PKP4: variants seen among roughly 807,000 people sequenced by gnomAD.
The protein encoded by PKP4 is plakophilin 4.
In PKP4, 90 loss-of-function variants were observed where a neutral mutation model predicts 145.1. That is an observed-to-expected ratio of 0.62 (90% CI 0.52 to 0.74). The LOEUF (loss-of-function observed/expected upper bound fraction) is 0.74. Among genes scored for constraint, PKP4 ranks in the 30% least tolerant of loss-of-function variants. PKP4 has a pLI of 0.00. For synonymous variants in PKP4, 563 were observed against 577.2 expected (o/e 0.98, Z 0.35); for missense variants, 1,340 against 1,482.7 (o/e 0.90, Z 1.58).
chr2:158,482,843 G>C (rs1006297100), intron 1 of PKP4, among the ~76,000 whole-genome samples: 1 of 151,758 alleles, frequency 6.6e-6, no homozygotes, highest in Non-Finnish European at 1.5e-5. Flanking sequence ...AAAAAAAAGA[G>C]GGGGGAAGGG....
chr2:158,627,094 C>G (rs1176098654), intron 7 of PKP4, among the ~76,000 whole-genome samples: 2 of 152,082 alleles, frequency 1.3e-5, no homozygotes, highest in Non-Finnish European at 2.9e-5. Context: ...CAAAGAAATT[C>G]TTAGTGGAGA....
chr2:158,669,173 G>A (rs1253115756), intron 16 of PKP4: 1 of 152,180 alleles, frequency 6.6e-6, no homozygotes, highest in Admixed American at 6.5e-5. Context: ...TGCCACCGTT[G>A]TCAGATGAGT....
At chr2:158,531,084 T>G (rs1227013407) in intron 1 of PKP4, among the ~76,000 whole-genome samples, 1 of 152,136 alleles carries the variant, frequency 6.6e-6, no homozygotes, top group Non-Finnish European at 1.5e-5. Flanking sequence ...TCTGGGTTCA[T>G]TGGTCCTGGG....
At chr2:158,606,047 T>A (rs2050626415) in intron 4 of PKP4, among the ~76,000 whole-genome samples, 1 of 152,248 alleles carries the variant, frequency 6.6e-6, no homozygotes. Flanking sequence ...TACTTTTGTC[T>A]GTTATGAATA....
intron 1 of PKP4, among the ~76,000 whole-genome samples, chr2:158,480,701 C>T (rs1055948089): frequency 6.6e-6 from 1 of 151,958 alleles, no homozygotes; most frequent in African/African-American, 2.4e-5. Context: ...AATTGAAGTG[C>T]ATATTACAAT....
Position 158,504,746 on chromosome 2 carries a change from CCTT to C in PKP4, c.-5-28430_-5-28428del, listed in dbSNP as rs373423172. Among the ~76,000 whole-genome samples the C allele has an allele frequency of 1.3e-3, 198 of 152,208 alleles. 4 individuals are homozygous for C. Among genetic ancestry groups the C allele is most frequent in the South Asian group, 0.011 (52 of 4,822 alleles). On this transcript the variant is annotated intron_variant, in intron 1 of 21. Transcript: ENST00000389759. ...CGCAAATCAGATACTACTTTTATAT[CCTT>C]CTTGCAAATTCACAGGAATTTCCAA...
intron 20 of PKP4, chr2:158,677,407 G>GTGTT (rs2058100253): frequency 2.7e-5 from 5 of 185,588 alleles, no homozygotes; most frequent in East Asian, 1.2e-4. Context: ...ATGTTACATA[G>GTGTT]TGTTAATATT....
intron 16 of PKP4, among the ~76,000 whole-genome samples, chr2:158,667,129 G>A (rs1033218846): frequency 2.0e-5 from 3 of 152,156 alleles, no homozygotes; most frequent in South Asian, 2.1e-4. Context: ...TACAAGGTAG[G>A]GTTGGCACAT....
rs78262074 is a variant in PKP4 at position 158,475,285 on chromosome 2, A to G, written c.-6+18067A>G. On this transcript the variant is annotated intron_variant, in intron 1 of 21. Coordinates refer to ENST00000389759, the MANE Select transcript of PKP4 (RefSeq NM_003628.6). ...TTTATTATTTTTTGATAACATATCT[A>G]TATGCTGTTTCCTCACTAGATTGTG... Among the ~76,000 whole-genome samples the G allele has an allele frequency of 4.8e-3, 732 of 152,330 alleles. 1 individual carries two copies. The highest frequency in any genetic ancestry group is 0.016 in the African/African-American group (670 of 41,572).
At chr2:158,580,309 A>T (rs1009030374) in intron 3 of PKP4, among the ~76,000 whole-genome samples, 4 of 152,066 alleles carry the variant, frequency 2.6e-5, no homozygotes, top group African/African-American at 9.7e-5. Flanking sequence ...AGTGCCTGGC[A>T]TTTGTGCCTG....
intron 1 of PKP4, among the ~76,000 whole-genome samples, chr2:158,482,978 G>A (rs951205142): frequency 6.6e-6 from 1 of 152,124 alleles, no homozygotes; most frequent in Non-Finnish European, 1.5e-5. Context: ...TTTTTAAGTA[G>A]CTTTTATCCA....
intron 3 of PKP4, among the ~76,000 whole-genome samples, chr2:158,598,645 T>G (rs1198060063): frequency 6.6e-6 from 1 of 152,066 alleles, no homozygotes; most frequent in Non-Finnish European, 1.5e-5. Flanking sequence ...AGCGGGCACC[T>G]GTAGTCCCAG....
At chr2:158,530,740 G>T (rs1047799668) in intron 1 of PKP4, among the ~76,000 whole-genome samples, 8 of 152,012 alleles carry the variant, frequency 5.3e-5, no homozygotes, top group Admixed American at 5.2e-4. Context: ...GGGTAGGGAA[G>T]TGTCTCACCC....
chr2:158,468,770 C>CTTTTT lies in PKP4; in HGVS notation c.-6+11567_-6+11571dup, dbSNP rs58577988. 5.8e-3 allele frequency among the ~76,000 whole-genome samples: 634 copies of CTTTTT among 109,814 alleles called. 7 individuals carry two copies. The highest frequency in any genetic ancestry group is 6.5e-3 in the Non-Finnish European group (372 of 57,036). The allele number at this position is 109,814 out of a possible 152,430, so 72.0% of individuals were successfully genotyped here. ...TTAGACATTTTCTTTTCTTCTTCTT[C>CTTTTT]TTTTTTTTTTTTTTTTTTTGAGACA... On this transcript the variant is annotated intron_variant, in intron 1 of 21. Transcript: ENST00000389759.
At chr2:158,473,202 G>A (rs550227997) in intron 1 of PKP4, among the ~76,000 whole-genome samples, 40 of 152,274 alleles carry the variant, frequency 2.6e-4, no homozygotes, top group Admixed American at 1.3e-3. Flanking sequence ...ACTTATATAC[G>A]GTTGGTGAGA....
chr2:158,567,753 A>G (rs2047110439), intron 2 of PKP4, among the ~76,000 whole-genome samples: 1 of 152,240 alleles, frequency 6.6e-6, no homozygotes, highest in Non-Finnish European at 1.5e-5. Context: ...AGGACCCCAC[A>G]CCACCATGGC....
At position 158,505,698 on chromosome 2, in the gene PKP4, A is replaced by G. The variant is rs374897021; in HGVS notation, c.-5-27482A>G. On this transcript the variant is annotated intron_variant, in intron 1 of 21. Transcript: ENST00000389759. Reference sequence around the variant, plus strand: ...GTGGCAGGGAAGGGGGTTCATCAGGATCAGAGTCAGGTCAAGAAAGGCTTC... The same window carrying G: ...GTGGCAGGGAAGGGGGTTCATCAGGGTCAGAGTCAGGTCAAGAAAGGCTTC... Among the ~76,000 whole-genome samples, 13 of 152,076 alleles carry G rather than the reference A, an allele frequency of 8.5e-5. 2 individuals are homozygous for G. Among genetic ancestry groups the G allele is most frequent in the Admixed American group, 6.6e-4 (10 of 15,256 alleles).
chr2:158,539,877 C>T (rs952405331), intron 2 of PKP4, among the ~76,000 whole-genome samples: 5 of 152,138 alleles, frequency 3.3e-5, no homozygotes, highest in African/African-American at 7.2e-5. Flanking sequence ...GTTGCATGTA[C>T]CATGGTCAGA....
chr2:158,496,139 C>T (rs996502519), intron 1 of PKP4, among the ~76,000 whole-genome samples: 27 of 130,236 alleles, frequency 2.1e-4, no homozygotes, highest in African/African-American at 7.7e-4. Context: ...TGCCACCACG[C>T]CCAGCTAATT....
Sources: gnomAD v4.1 joint callset for allele counts (sites outside exome capture counted in the v4.1 genomes callset) on GRCh38, gnomAD v4.1.1 for gene constraint, MANE v1.5 for transcripts, NCBI Gene and HGNC (gene_info 2026-07-23, HGNC 2026-07-21) for gene names.